The following GNE variants were observed in gnomAD, a reference collection of about 807,000 sequenced individuals.
GNE encodes the protein glucosamine (UDP-N-acetyl)-2-epimerase/N-acetylmannosamine kinase, also known as bifunctional UDP-N-acetylglucosamine 2-epimerase/N-acetylmannosamine kinase.
In GNE, 41 loss-of-function variants were observed where a neutral mutation model predicts 61.8. The ratio of observed to expected loss-of-function variants is 0.66; its 90% CI spans 0.52 to 0.86. GNE has a LOEUF of 0.86. Ranked by LOEUF, GNE falls within the 40% of genes least tolerant of loss-of-function variation. The pLI, the probability that GNE is intolerant of heterozygous loss-of-function variation, is 0.00. For missense variants in GNE, 608 were observed against 909.1 expected (o/e 0.67, Z 4.26); for synonymous variants, 264 against 326.4 (o/e 0.81, Z 2.06).
At chr9:36,221,537 A>T (rs1443010209) in intron 9 of GNE, among the ~76,000 whole-genome samples, 1 of 152,212 alleles carries the variant, frequency 6.6e-6, no homozygotes, top group African/African-American at 2.4e-5. Flanking sequence ...GGATGTCATA[A>T]AAAAATGACA....
upstream of GNE, among the ~76,000 whole-genome samples, chr9:36,259,411 T>G (rs1384546190): frequency 6.6e-6 from 1 of 152,068 alleles, no homozygotes; most frequent in Non-Finnish European, 1.5e-5. Flanking sequence ...TTTACAACCA[T>G]TAAAAATTTA....
chr9:36,228,893 C>A, intron 6 of GNE, 128 bp downstream of exon 6: 1 of 757,264 alleles, frequency 1.3e-6, no homozygotes, highest in Non-Finnish European at 2.5e-6. Flanking sequence ...GTCTCCCCAG[C>A]AACTAGGGGC....
intron 3 of GNE, among the ~76,000 whole-genome samples, chr9:36,244,582 T>C (rs7025232): frequency 0.31 from 46,579 of 152,060 alleles, 7,879 homozygotes; most frequent in Non-Finnish European, 0.38. Context: ...TAAGTACTTA[T>C]GGCTTACTGC....
At chr9:36,235,485 C>A (rs960893057) in intron 4 of GNE, among the ~76,000 whole-genome samples, 17 of 151,984 alleles carry the variant, frequency 1.1e-4, no homozygotes, top group African/African-American at 4.1e-4. Context: ...GGACCCTTTA[C>A]TTTCATAGAA....
chr9:36,218,305 C>T lies in GNE; in HGVS notation c.1817-6G>A. The T allele has an allele frequency of 6.2e-7, 1 of 1,605,610 alleles. No homozygotes were observed. Among genetic ancestry groups the T allele is most frequent in the East Asian group, 2.2e-5 (1 of 44,836 alleles). ...TTCCACCAAGAGCAGGTCCTCTGAA[C>T]AGAGTGAGAAGGAAAAGCAGTCACT... On this transcript the variant is annotated splice_region_variant and splice_polypyrimidine_tract_variant and intron_variant, in intron 10 of 11. Coordinates refer to ENST00000642385, the MANE Select transcript of GNE (RefSeq NM_005476.7). The surrounding 1 kb of genome is among the most constrained non-coding windows in gnomAD (Gnocchi z 4.1).
chr9:36,259,548 A>G (rs1239026927), upstream of GNE, among the ~76,000 whole-genome samples: 1 of 152,232 alleles, frequency 6.6e-6, no homozygotes, highest in East Asian at 1.9e-4. Context: ...TAAAATACTT[A>G]TGAACTCTTA....
intron 3 of GNE, among the ~76,000 whole-genome samples, chr9:36,243,227 T>G (rs1291147827): frequency 6.6e-6 from 1 of 152,112 alleles, no homozygotes; most frequent in Non-Finnish European, 1.5e-5. Flanking sequence ...GTATTTTTTG[T>G]AAAGACAGAG....
chr9:36,221,672 A>C (rs1277187517), intron 9 of GNE, among the ~76,000 whole-genome samples: 2 of 152,106 alleles, frequency 1.3e-5, no homozygotes, highest in Non-Finnish European at 2.9e-5. Context: ...AGGAATGCTT[A>C]ATTTAAAAAA....
At position 36,218,043 on chromosome 9, in the gene GNE, G is replaced by A. The variant is rs561779585; in HGVS notation, c.1933+140C>T. Reference sequence around the variant, plus strand: ...AATCCAATTCCCTTTTTACCTCTGAGTAATTAGGAAAGAAACCTCTGAACA... The same window carrying A: ...AATCCAATTCCCTTTTTACCTCTGAATAATTAGGAAAGAAACCTCTGAACA... On this transcript the variant is annotated intron_variant, in intron 11 of 11. Transcript: ENST00000642385. The surrounding 1 kb of genome is among the most constrained non-coding windows in gnomAD (Gnocchi z 4.1). The A allele has an allele frequency of 7.8e-6, 6 of 767,562 alleles. No homozygotes were observed. In the East Asian group the frequency reaches 1.5e-4, roughly 19 times the overall value. The allele number at this position is 767,562 out of a possible 1,614,324, so 47.5% of individuals were successfully genotyped here. A position where few individuals can be genotyped will look rare whatever the true frequency, so the allele number is the denominator to read the frequency against.
chr9:36,240,196 T>C (rs1251297952), intron 3 of GNE, among the ~76,000 whole-genome samples: 1 of 152,198 alleles, frequency 6.6e-6, no homozygotes, highest in Non-Finnish European at 1.5e-5. Context: ...TCCAGTACCA[T>C]GTTGAAGAGG....
intron 1 of GNE, among the ~76,000 whole-genome samples, chr9:36,271,274 C>T (rs983727157): frequency 1.3e-5 from 2 of 152,216 alleles, no homozygotes; most frequent in Admixed American, 6.5e-5. Flanking sequence ...AGGTTTCAAA[C>T]GCCATCTCTA....
chr9:36,274,928 G>A (rs1055460243), intron 1 of GNE, among the ~76,000 whole-genome samples: 2 of 152,152 alleles, frequency 1.3e-5, no homozygotes, highest in African/African-American at 2.4e-5. Context: ...GTTTCACTGT[G>A]TTAGCCAGGA....
chr9:36,249,833 G>A (rs1193239832), intron 1 of GNE, among the ~76,000 whole-genome samples: 1 of 151,608 alleles, frequency 6.6e-6, no homozygotes, highest in African/African-American at 2.4e-5. Flanking sequence ...GCAGTGAGCT[G>A]AGATCGCACC....
chr9:36,245,053 G>A (rs953712922), intron 3 of GNE, among the ~76,000 whole-genome samples: 3 of 151,854 alleles, frequency 2.0e-5, no homozygotes, highest in East Asian at 3.9e-4. Context: ...TGAGGTGGGC[G>A]GATCACCTGA....
intron 2 of GNE, among the ~76,000 whole-genome samples, chr9:36,248,004 C>T (rs1038356579): frequency 9.8e-6 from 1 of 101,724 alleles, no homozygotes; most frequent in Non-Finnish European, 1.9e-5. Flanking sequence ...CCAGCCTGGG[C>T]AACAAGAGCA....
intron 9 of GNE, among the ~76,000 whole-genome samples, chr9:36,221,256 G>A (rs542596035): frequency 6.6e-6 from 1 of 152,314 alleles, no homozygotes; most frequent in South Asian, 2.1e-4. Context: ...GGGAGGCAGT[G>A]AGCTGAGATT....
chr9:36,220,111 G>T, intron 9 of GNE, 91 bp from the exon 10 acceptor site: 1 of 1,027,498 alleles, frequency 9.7e-7, no homozygotes, highest in Non-Finnish European at 1.5e-6. Context: ...CAGAGCTTTG[G>T]CATGTGAGGG....
intron 1 of GNE, among the ~76,000 whole-genome samples, chr9:36,249,636 T>C (rs1354315339): frequency 1.3e-5 from 2 of 151,974 alleles, no homozygotes; most frequent in Admixed American, 6.6e-5. Context: ...CCCAGCACTT[T>C]GGGAGGCCGA....
rs1475117723 is a variant in GNE at position 36,217,329 on chromosome 9, G to T, written c.*36C>A. ...GACAAGAACTTGATTCCACTCAGGA[G>T]CTCTGGAGAGAAGGTCCATGTCTGT... On this transcript the variant is annotated 3_prime_UTR_variant, in exon 12 of 12. Transcript: ENST00000642385. 2 of 1,354,520 alleles carry T rather than the reference G, an allele frequency of 1.5e-6. No homozygotes were observed. Among genetic ancestry groups the T allele is most frequent in the Admixed American group, 1.7e-5 (1 of 57,744 alleles). The allele number at this position is 1,354,520 out of a possible 1,614,324, so 83.9% of individuals were successfully genotyped here. A position where few individuals can be genotyped will look rare whatever the true frequency, so the allele number is the denominator to read the frequency against.
Sources: allele counts gnomAD v4.1 joint callset (sites outside exome capture counted in the v4.1 genomes callset), GRCh38; gene constraint gnomAD v4.1.1; non-coding constraint Gnocchi (gnomAD v3.1); transcripts MANE v1.5; gene names NCBI Gene and HGNC (gene_info 2026-07-23, HGNC 2026-07-21).